MUC21: variants seen among roughly 807,000 people sequenced by gnomAD.
The protein encoded by MUC21 is mucin 21, cell surface associated.
MUC21 carries 8 observed loss-of-function variants against 9.1 expected under a neutral mutation model. That is an observed-to-expected ratio of 0.88 (90% CI 0.52 to 1.59). The LOEUF is 1.59. MUC21 is among the 40% of genes most tolerant of loss of function. The pLI, the probability that MUC21 is intolerant of heterozygous loss-of-function variation, is 0.00. For synonymous variants in MUC21, 189 were observed against 275.2 expected (o/e 0.69, Z 3.10); for missense variants, 478 against 694.2 (o/e 0.69, Z 3.50).
In MUC21 at chr6:30,986,285, T is replaced by G. The variant is rs770123646; in HGVS notation, c.110T>G (p.Val37Gly). The G allele has an allele frequency of 1.2e-6, 2 of 1,606,956 alleles. No individual in the cohort carries two copies. Among genetic ancestry groups the G allele is most frequent in the South Asian group, 2.2e-5 (2 of 90,702 alleles). ...TSTSANTGSS[V>G]ISSGASTATN... Reference sequence around the variant, plus strand: ...ACCTCTGCCAACACTGGATCCAGTGTGATCTCCAGTGGAGCCAGCACAGCC... The same window carrying G: ...ACCTCTGCCAACACTGGATCCAGTGGGATCTCCAGTGGAGCCAGCACAGCC... Residue 37 changes from valine (V) to glycine (G), a missense_variant, in exon 2 of 3, where the codon GTG becomes GGG. Val to Gly is a moderately radical substitution (Grantham distance 109, BLOSUM62 -3). This residue lies in a region of MUC21 where 110 missense variants were observed against 108.3 expected (regional missense o/e 1.02). Coordinates refer to ENST00000376296, the MANE Select transcript of MUC21 (RefSeq NM_001010909.5).
intron 1 of MUC21, 78 bp downstream of exon 1, chr6:30,984,097 C>T: frequency 1.3e-6 from 1 of 753,436 alleles, no homozygotes; most frequent in Non-Finnish European, 2.5e-6. Flanking sequence ...CTACTGGGGC[C>T]AGCTCTGCTT....
rs367586576 is a variant in MUC21, at chr6:30,987,185, C to T, written c.1010C>T (p.Thr337Met). 4.1e-5 allele frequency: 65 copies of T among 1,603,080 alleles called. No homozygotes were observed. The highest frequency in any genetic ancestry group is 1.9e-4 in the African/African-American group (14 of 73,626). The change falls in exon 2 of 3, where the codon ACG (threonine) becomes ATG (methionine). Residue 337 changes from threonine to methionine, a missense_variant. Thr to Met is a moderately conservative substitution (Grantham distance 81). Coordinates refer to ENST00000376296, the MANE Select transcript of MUC21 (RefSeq NM_001010909.5). ...ASTATNSESS[T>M]TSSGASTATN... ...ACAGCCACCAACTCTGAGTCCAGCA[C>T]GACCTCCAGTGGGGCCAGCACAGCC...
rs1762457478 is a variant in MUC21 at position 30,987,990 on chromosome 6, C to CT, written c.1507-3dup. The CT allele has an allele frequency of 4.5e-6, 5 of 1,114,902 alleles. No homozygotes were observed. Among genetic ancestry groups the CT allele is most frequent in the Admixed American group, 1.7e-5 (1 of 59,126 alleles). 69.1% of individuals were successfully genotyped at this position (1,114,902 alleles called of 1,614,324 possible). Reference sequence around the variant, plus strand: ...TGCAATTCTGAAACTATTGACTCTTCTTTTTTTAGAGAAACAGCCTGTCCC... The same window carrying CT: ...TGCAATTCTGAAACTATTGACTCTTCTTTTTTTTAGAGAAACAGCCTGTCCC... On this transcript the variant is annotated splice_polypyrimidine_tract_variant and intron_variant, in intron 2 of 2. Coordinates refer to ENST00000376296, the MANE Select transcript of MUC21 (RefSeq NM_001010909.5).
In MUC21 at chr6:30,987,442, T is replaced by C. The variant is rs772266515; in HGVS notation, c.1267T>C (p.Ser423Pro). 6.2e-7 allele frequency: 1 copy of C among 1,608,762 alleles called. No individual in the cohort carries two copies. The highest frequency in any genetic ancestry group is 1.1e-5 in the South Asian group (1 of 90,738). ...CAGTGGGGCCAGCACTGCCACCAAT[T>C]CTGAGTCCAGCACAACCTCCAGTGG... is the stretch of plus-strand genomic sequence containing the variant. ...VSSGASTATN[S>P]ESSTTSSGAN... is the part of the protein sequence containing the mutation. The change falls in exon 2 of 3, where the codon TCT becomes CCT. Residue 423 changes from serine (S) to proline (P), a missense_variant. Transcript: ENST00000376296.
At position 30,987,684 on chromosome 6, in the gene MUC21, G is replaced by A; in HGVS notation, c.1506+3G>A. 1 of 1,612,214 alleles carries A rather than the reference G, an allele frequency of 6.2e-7. No individual in the cohort carries two copies. Among genetic ancestry groups the A allele is most frequent in the South Asian group, 1.1e-5 (1 of 90,968 alleles). On this transcript the variant is annotated splice_donor_region_variant and intron_variant, in intron 2 of 2. Coordinates refer to ENST00000376296, the MANE Select transcript of MUC21 (RefSeq NM_001010909.5). Reference sequence around the variant, plus strand: ...TTGCTGGGCTCTTCTTCTGTGTGGTGAGTGCCTAATATGTAAGAAAATGCC... The same window carrying A: ...TTGCTGGGCTCTTCTTCTGTGTGGTAAGTGCCTAATATGTAAGAAAATGCC...
chr6:30,985,377 C>G (rs924245185), intron 1 of MUC21, among the ~76,000 whole-genome samples: 1 of 152,162 alleles, frequency 6.6e-6, no homozygotes, highest in Non-Finnish European at 1.5e-5. Context: ...ATGCAGACTC[C>G]TGGGCCCCAT....
Position 30,988,788 on chromosome 6 carries a change from G to A in MUC21, c.*594G>A, listed in dbSNP as rs2150696066. Reference sequence around the variant, plus strand: ...ACAACTACCTGCTCTGTGTGTGGGGGGGGAGGGGGGAGGGGGGTACGCATA... The same window carrying A: ...ACAACTACCTGCTCTGTGTGTGGGGAGGGAGGGGGGAGGGGGGTACGCATA... On this transcript the variant is annotated 3_prime_UTR_variant, in exon 3 of 3. Transcript: ENST00000376296. The A allele has an allele frequency of 6.9e-6, 1 of 144,568 alleles. No homozygotes were observed. The allele number at this position is 144,568 out of a possible 1,614,324, so 9.0% of individuals were successfully genotyped here.
In MUC21 at chr6:30,983,857, C is replaced by T. The variant is rs973756614; in HGVS notation, c.-102C>T. 2.3e-5 allele frequency: 16 copies of T among 686,494 alleles called. No homozygotes were observed. The East Asian group carries it at 4.1e-4, about 18-fold the overall frequency. 42.5% of individuals were successfully genotyped at this position (686,494 alleles called of 1,614,324 possible). A position where few individuals can be genotyped will look rare whatever the true frequency, so the allele number is the denominator to read the frequency against. ...CTGGAAGCACCAGCCTTTATCTCTT[C>T]ACCTTCAAGTCCCCTTTCTCAAGAA... On this transcript the variant is annotated 5_prime_UTR_variant, in exon 1 of 3. Coordinates refer to ENST00000376296, the MANE Select transcript of MUC21 (RefSeq NM_001010909.5).
Position 30,984,033 on chromosome 6 carries a change from T to C in MUC21, c.61+14T>C, listed in dbSNP as rs776652665. 3 of 779,662 alleles carry C rather than the reference T, an allele frequency of 3.8e-6. No homozygotes were observed. The highest frequency in any genetic ancestry group is 7.2e-6 in the Non-Finnish European group (3 of 418,054). 48.3% of individuals were successfully genotyped at this position (779,662 alleles called of 1,614,324 possible). ...ATTTAGAAGCTGGTGAGTGATTTTA[T>C]TTAAAATCGGGTGGTCTGAGAACCT... On this transcript the variant is annotated intron_variant, in intron 1 of 2. Coordinates refer to ENST00000376296, the MANE Select transcript of MUC21 (RefSeq NM_001010909.5).
rs1762254926 is a variant in MUC21, at chr6:30,986,414, T to G, written c.239T>G (p.Phe80Cys). 1 of 1,605,650 alleles carries G rather than the reference T, an allele frequency of 6.2e-7. No individual in the cohort carries two copies. Among genetic ancestry groups the G allele is most frequent in the Non-Finnish European group, 8.5e-7 (1 of 1,177,664 alleles). Residue 80 changes from phenylalanine (F) to cysteine (C), a missense_variant, in exon 2 of 3, where the codon TTC (phenylalanine) becomes TGC (cysteine). Coordinates refer to ENST00000376296, the MANE Select transcript of MUC21 (RefSeq NM_001010909.5). Reference sequence around the variant, plus strand: ...GTCAGCATAGTCACCAACTCTGAGTTCCATACAACCTCCAGTGGGATCAGC... The same window carrying G: ...GTCAGCATAGTCACCAACTCTGAGTGCCATACAACCTCCAGTGGGATCAGC... ...NGVSIVTNSE[F>C]HTTSSGISTA...
At position 30,983,999 on chromosome 6, in the gene MUC21, T is replaced by C; in HGVS notation, c.41T>C (p.Leu14Pro). 1.3e-6 allele frequency: 1 copy of C among 779,928 alleles called. No homozygotes were observed. Among genetic ancestry groups the C allele is most frequent in the Non-Finnish European group, 2.4e-6 (1 of 418,104 alleles). 48.3% of individuals were successfully genotyped at this position (779,928 alleles called of 1,614,324 possible). A position where few individuals can be genotyped will look rare whatever the true frequency, so the allele number is the denominator to read the frequency against. ...QKGNVLLMFG[L>P]LLHLEAATNS... is the part of the protein sequence containing the mutation. ...GGAAATGTTCTCCTTATGTTTGGTC[T>C]ACTATTGCATTTAGAAGCTGGTGAG... The change falls in exon 1 of 3, where the codon CTA (leucine) becomes CCA (proline). Residue 14 changes from leucine (L) to proline (P), a missense_variant. Coordinates refer to ENST00000376296, the MANE Select transcript of MUC21 (RefSeq NM_001010909.5).
In MUC21 at chr6:30,986,297, G is replaced by A. The variant is rs749467262; in HGVS notation, c.122G>A (p.Gly41Glu). 1 of 1,614,204 alleles carries A rather than the reference G, an allele frequency of 6.2e-7. No individual in the cohort carries two copies. Among genetic ancestry groups the A allele is most frequent in the South Asian group, 1.1e-5 (1 of 91,086 alleles). Residue 41 changes from glycine to glutamate, a missense_variant, in exon 2 of 3, where the codon GGA becomes GAA. Transcript: ENST00000376296. The part of the protein sequence containing the change: ...ANTGSSVISS[G>E]ASTATNSGSS... Reference sequence around the variant, plus strand: ...ACTGGATCCAGTGTGATCTCCAGTGGAGCCAGCACAGCCACCAACTCTGGG... The same window carrying A: ...ACTGGATCCAGTGTGATCTCCAGTGAAGCCAGCACAGCCACCAACTCTGGG...
chr6:30,988,656 G>A lies in MUC21; in HGVS notation c.*462G>A, dbSNP rs966135492. On this transcript the variant is annotated 3_prime_UTR_variant, in exon 3 of 3. Coordinates refer to ENST00000376296, the MANE Select transcript of MUC21 (RefSeq NM_001010909.5). ...AGAATTGACTTGGGAGAGATAAGGA[G>A]GGAGGGCGGGTGCCAGCATGCTATG... 1.3e-5 allele frequency: 2 copies of A among 158,176 alleles called. No individual in the cohort carries two copies. The highest frequency in any genetic ancestry group is 4.8e-5 in the African/African-American group (2 of 41,542). 9.8% of individuals were successfully genotyped at this position (158,176 alleles called of 1,614,324 possible). A position where few individuals can be genotyped will look rare whatever the true frequency, so the allele number is the denominator to read the frequency against.
chr6:30,986,827 A>G lies in MUC21; in HGVS notation c.652A>G (p.Thr218Ala), dbSNP rs1762321673. Reference protein sequence around the residue: ...STATNSESRTTSNGAGTATNS... With the variant: ...STATNSESRTASNGAGTATNS... ...AGCCACCAACTCTGAGTCCAGAACG[A>G]CCTCCAATGGGGCTGGCACAGCCAC... Residue 218 changes from threonine (T) to alanine (A), a missense_variant, in exon 2 of 3, where the codon ACC (threonine) becomes GCC (alanine). Around this residue, in one of 5 missense-constraint regions of MUC21, gnomAD observed 155 missense variants for 235.2 expected, o/e 0.66. Transcript: ENST00000376296. 2 of 1,574,130 alleles carry G rather than the reference A, an allele frequency of 1.3e-6. No homozygotes were observed. The highest frequency in any genetic ancestry group is 1.7e-6 in the Non-Finnish European group (2 of 1,163,128).
At position 30,988,136 on chromosome 6, in the gene MUC21, G is replaced by T; in HGVS notation, c.1643G>T (p.Trp548Leu). 6.2e-7 allele frequency: 1 copy of T among 1,612,970 alleles called. No homozygotes were observed. The highest frequency in any genetic ancestry group is 1.1e-5 in the South Asian group (1 of 91,076). The change falls in exon 3 of 3, where the codon TGG becomes TTG. Residue 548 changes from tryptophan (W) to leucine (L), a missense_variant. Trp to Leu is a moderately conservative substitution (Grantham distance 61). Around this residue, in one of 5 missense-constraint regions of MUC21, gnomAD observed 158 missense variants for 192.6 expected, o/e 0.82. Coordinates refer to ENST00000376296, the MANE Select transcript of MUC21 (RefSeq NM_001010909.5). The part of the protein sequence containing the change: ...HRPRWSPNWF[W>L]RRPVSSIAME... The stretch of plus-strand genomic sequence containing the variant: ...CCCAGGTGGAGTCCTAACTGGTTCT[G>T]GAGGAGACCAGTATCCTCGATAGCC...
Position 30,986,430 on chromosome 6 carries a change from T to C in MUC21, c.255T>C (p.Ser85=), listed in dbSNP as rs144572250. Residue 85 remains serine (S), a synonymous_variant, in exon 2 of 3, where the codon AGT becomes AGC. Transcript: ENST00000376296. The part of the protein sequence containing the change: ...VTNSEFHTTS[S]GISTATNSEF... The stretch of plus-strand genomic sequence containing the variant: ...ACTCTGAGTTCCATACAACCTCCAG[T>C]GGGATCAGCACAGCCACCAACTCTG... The C allele has an allele frequency of 1.9e-6, 3 of 1,613,716 alleles. No individual in the cohort carries two copies. The highest frequency in any genetic ancestry group is 2.5e-6 in the Non-Finnish European group (3 of 1,179,850).
chr6:30,987,591 TG>T lies in MUC21; in HGVS notation c.1419del (p.Ser474ProfsTer29). ...STAVSEAKPG[G>X]SLVPWEIFLI... ...CTGCAGTGAGTGAGGCGAAGCCTGG[TG>T]GGTCCCTGGTGCCGTGGGAAATCTT... On this transcript the variant is annotated frameshift_variant, in exon 2 of 3. Transcript: ENST00000376296. LOFTEE classifies it high-confidence loss of function. The T allele has an allele frequency of 6.2e-7, 1 of 1,614,210 alleles. No individual in the cohort carries two copies.
chr6:30,986,682 G>A lies in MUC21; in HGVS notation c.507G>A (p.Glu169=), dbSNP rs147469778. The A allele has an allele frequency of 1.9e-6, 3 of 1,577,260 alleles. No homozygotes were observed. In the East Asian group the frequency reaches 7.3e-5, roughly 38 times the overall value. The part of the protein sequence containing the change: ...SSEASTATNS[E]SSTTSSGAST... ...AGGCCAGCACAGCCACCAACTCTGA[G>A]TCCAGCACAACCTCCAGTGGGGCCA... Residue 169 remains glutamate, a synonymous_variant, in exon 2 of 3, where the codon GAG becomes GAA. Coordinates refer to ENST00000376296, the MANE Select transcript of MUC21 (RefSeq NM_001010909.5).
intron 2 of MUC21, 144 bp from the exon 3 acceptor site, chr6:30,987,856 A>G: frequency 3.4e-6 from 4 of 1,181,954 alleles, no homozygotes; most frequent in Non-Finnish European, 4.8e-6. Flanking sequence ...ACCTGCGGGA[A>G]AAGGGGGCCA....
Sources: allele counts gnomAD v4.1 joint callset (sites outside exome capture counted in the v4.1 genomes callset), GRCh38; gene constraint gnomAD v4.1.1; regional missense constraint gnomAD v4.1.1; transcripts MANE v1.5; gene names NCBI Gene and HGNC (gene_info 2026-07-23, HGNC 2026-07-21).